RFC3: variants seen among roughly 807,000 people sequenced by gnomAD.
RFC3 encodes the protein A1 38 kDa subunit.
RFC3 carries 41 observed loss-of-function variants against 45.1 expected under a neutral mutation model. The observed-to-expected ratio is 0.91, with a 90% CI of 0.71 to 1.18. The LOEUF is 1.18. RFC3 is among the 50% of genes most tolerant of loss of function. RFC3 has a pLI of 0.00. For synonymous variants in RFC3, 149 were observed against 144.0 expected (o/e 1.03, Z -0.25); for missense variants, 423 against 428.1 (o/e 0.99, Z 0.10).
intron 8 of RFC3, among the ~76,000 whole-genome samples, chr13:33,874,733 A>T (rs2082434995): frequency 6.6e-6 from 1 of 152,188 alleles, no homozygotes; most frequent in Non-Finnish European, 1.5e-5. Flanking sequence ...GGAAATATAT[A>T]CCTGGAAAAT....
chr13:33,958,114 G>A (rs1026712437), intron 8 of RFC3, among the ~76,000 whole-genome samples: 1 of 152,206 alleles, frequency 6.6e-6, no homozygotes, highest in African/African-American at 2.4e-5. Flanking sequence ...TCCATGGATA[G>A]CGAGATCAGA....
chr13:33,949,882 A>G (rs937113394), intron 8 of RFC3, among the ~76,000 whole-genome samples: 1 of 152,176 alleles, frequency 6.6e-6, no homozygotes, highest in Non-Finnish European at 1.5e-5. Context: ...AAATTGAGAC[A>G]TAAGCTTTTT....
intron 8 of RFC3, among the ~76,000 whole-genome samples, chr13:33,937,487 C>A (rs530312423): frequency 1.0e-3 from 154 of 152,146 alleles, no homozygotes; most frequent in African/African-American, 3.4e-3. Flanking sequence ...ATTACTGAGG[C>A]CTAGAAAGGT....
At chr13:33,869,784 G>A (rs1244344331) in intron 8 of RFC3, among the ~76,000 whole-genome samples, 3 of 152,178 alleles carry the variant, frequency 2.0e-5, no homozygotes, top group Non-Finnish European at 4.4e-5. Context: ...TCTTTTCCTA[G>A]CATATGTCCG....
At chr13:33,916,379 A>C (rs17080155) in intron 8 of RFC3, among the ~76,000 whole-genome samples, 10,881 of 152,220 alleles carry the variant, frequency 0.071, 640 homozygotes, top group African/African-American at 0.16. Flanking sequence ...TTTTGCTTGT[A>C]TATTATTCTA....
chr13:33,911,832 ACCCACCT>A (rs1038787031), intron 8 of RFC3, among the ~76,000 whole-genome samples: 8 of 152,026 alleles, frequency 5.3e-5, no homozygotes, highest in Non-Finnish European at 8.8e-5. Context: ...TCCCACTAGG[ACCCACCT>A]CCCAATACCA....
chr13:33,893,741 A>G (rs924606046), intron 8 of RFC3, among the ~76,000 whole-genome samples: 9 of 152,086 alleles, frequency 5.9e-5, no homozygotes, highest in Non-Finnish European at 1.3e-4. Context: ...TGAATTGAAA[A>G]ATTTATTAGA....
At chr13:33,945,219 A>T (rs1417277214) in intron 8 of RFC3, among the ~76,000 whole-genome samples, 1 of 152,152 alleles carries the variant, frequency 6.6e-6, no homozygotes, top group African/African-American at 2.4e-5. Flanking sequence ...CTGTAGTGTG[A>T]TTGGGAAAAC....
At chr13:33,881,055 CAAAA>C (rs924793427) in intron 8 of RFC3, among the ~76,000 whole-genome samples, 5 of 151,912 alleles carry the variant, frequency 3.3e-5, no homozygotes, top group Admixed American at 3.3e-4. Context: ...GACTCAGTCT[CAAAA>C]ACAAACAAAC....
chr13:33,818,327 C>A (rs1173234146), intron 1 of RFC3, 62 bp downstream of exon 1: 4 of 1,389,464 alleles, frequency 2.9e-6, no homozygotes, highest in Non-Finnish European at 3.1e-6. Context: ...GGTTTCGCGC[C>A]CCCCTGAGGA....
chr13:33,860,066 G>A (rs1486189145), intron 8 of RFC3, among the ~76,000 whole-genome samples: 2 of 152,136 alleles, frequency 1.3e-5, no homozygotes, highest in African/African-American at 4.8e-5. Flanking sequence ...CTTGAAGGTG[G>A]TCATCTGCAA....
chr13:33,943,843 A>G (rs936330403), intron 8 of RFC3, among the ~76,000 whole-genome samples: 2 of 152,136 alleles, frequency 1.3e-5, no homozygotes, highest in Admixed American at 6.5e-5. Context: ...GACTTTTACC[A>G]TATTGTATTG....
chr13:33,910,522 C>T (rs922852846), intron 8 of RFC3, among the ~76,000 whole-genome samples: 1 of 152,052 alleles, frequency 6.6e-6, no homozygotes, highest in Non-Finnish European at 1.5e-5. Context: ...TGCAGGGAAG[C>T]ACTTGGCCCA....
intron 8 of RFC3, among the ~76,000 whole-genome samples, chr13:33,860,871 T>C (rs113274884): frequency 0.03 from 4,530 of 151,810 alleles, 135 homozygotes; most frequent in African/African-American, 0.069. Flanking sequence ...TCCCTTTTTT[T>C]CCCCTTTCTC....
At chr13:33,892,550 T>G (rs1446255328) in intron 8 of RFC3, among the ~76,000 whole-genome samples, 1 of 152,182 alleles carries the variant, frequency 6.6e-6, no homozygotes, top group Non-Finnish European at 1.5e-5. Context: ...CACTTAAGAT[T>G]TGTTACCTCA....
chr13:33,949,111 C>G (rs1215831060), intron 8 of RFC3, among the ~76,000 whole-genome samples: 1 of 152,048 alleles, frequency 6.6e-6, no homozygotes, highest in Non-Finnish European at 1.5e-5. Flanking sequence ...CCTTTCCCCA[C>G]GTGTCAAGTG....
At chr13:33,881,313 G>A (rs2082482130) in intron 8 of RFC3, among the ~76,000 whole-genome samples, 2 of 152,122 alleles carry the variant, frequency 1.3e-5, no homozygotes, top group African/African-American at 4.8e-5. Context: ...AGTTTCTTAG[G>A]GCATGAGAAT....
chr13:33,821,421 G>T, intron 2 of RFC3, 152 bp downstream of exon 2: 1 of 742,020 alleles, frequency 1.3e-6, no homozygotes, highest in Non-Finnish European at 2.2e-6. Context: ...GAGAGCTACT[G>T]ATATGGATCT....
intron 8 of RFC3, among the ~76,000 whole-genome samples, chr13:33,885,947 A>G (rs2082518655): frequency 1.3e-5 from 2 of 152,056 alleles, no homozygotes; most frequent in Non-Finnish European, 2.9e-5. Flanking sequence ...TGATGGTCAT[A>G]TGATAACTGC....
Sources: allele counts gnomAD v4.1 joint callset (sites outside exome capture counted in the v4.1 genomes callset), GRCh38; gene constraint gnomAD v4.1.1; transcripts MANE v1.5; gene names NCBI Gene and HGNC (gene_info 2026-07-23, HGNC 2026-07-21).